The following FRK variants were observed in gnomAD, a reference collection of about 807,000 sequenced individuals.
FRK encodes tyrosine-protein kinase FRK.
FRK carries 51 observed loss-of-function variants against 56.4 expected under a neutral mutation model. The ratio of observed to expected loss-of-function variants is 0.90; its 90% CI spans 0.72 to 1.14. The LOEUF is 1.14. FRK is among the 50% of genes most tolerant of loss of function. The pLI is 0.00. For missense variants in FRK, 570 were observed against 601.4 expected (o/e 0.95, Z 0.55); for synonymous variants, 245 against 217.9 (o/e 1.12, Z -1.10).
chr6:116,005,419 G>A (rs989146258), intron 1 of FRK, among the ~76,000 whole-genome samples: 7 of 152,222 alleles, frequency 4.6e-5, no homozygotes, highest in African/African-American at 7.2e-5. Context: ...AAAATGTGGC[G>A]AATCGCAGGC....
intron 1 of FRK, among the ~76,000 whole-genome samples, chr6:116,055,728 C>T (rs998337080): frequency 1.3e-5 from 2 of 152,196 alleles, no homozygotes; most frequent in African/African-American, 4.8e-5. Flanking sequence ...TCACTTAGCA[C>T]CATACCAGGC....
intron 1 of FRK, among the ~76,000 whole-genome samples, chr6:116,056,202 T>G (rs1777393184): frequency 7.0e-6 from 1 of 143,156 alleles, no homozygotes; most frequent in Non-Finnish European, 1.6e-5. Flanking sequence ...TTCATTTGGT[T>G]TTTTTTTTTT....
At chr6:116,061,554 T>C (rs1414933554), upstream of FRK, among the ~76,000 whole-genome samples, 1 of 151,642 alleles carries the variant, frequency 6.6e-6, no homozygotes, top group East Asian at 1.9e-4. Flanking sequence ...TGCTAGTTCT[T>C]ACTAACTTGG....
At position 115,940,717 on chromosome 6, in the gene FRK, A is replaced by C. The variant is rs548352751; in HGVS notation, c.*1697T>G. ...AAGAAGATATTTATGCAGCCAACAG[A>C]CATATGAAAAAAAGCTCATCATCTG... On this transcript the variant is annotated 3_prime_UTR_variant, in exon 8 of 8. Coordinates refer to ENST00000606080, the MANE Select transcript of FRK (RefSeq NM_002031.3). The C allele has an allele frequency of 7.2e-5, 11 of 152,382 alleles. No individual in the cohort carries two copies. The East Asian group carries it at 1.9e-3, about 27-fold the overall frequency. The allele number at this position is 152,382 out of a possible 1,614,324, so 9.4% of individuals were successfully genotyped here. A position where few individuals can be genotyped will look rare whatever the true frequency, so the allele number is the denominator to read the frequency against.
At chr6:115,969,776 G>GAC (rs1409989062) in intron 2 of FRK, among the ~76,000 whole-genome samples, 1 of 152,196 alleles carries the variant, frequency 6.6e-6, no homozygotes, top group Non-Finnish European at 1.5e-5. Flanking sequence ...AAGCAGCCCA[G>GAC]TGGGAGGCAG....
intron 1 of FRK, among the ~76,000 whole-genome samples, chr6:116,006,366 A>T (rs1243864540): frequency 1.3e-5 from 2 of 152,234 alleles, no homozygotes; most frequent in Non-Finnish European, 2.9e-5. Context: ...TTACAATTTA[A>T]AATGCTAACA....
chr6:116,028,596 T>C (rs1314895083), intron 1 of FRK, among the ~76,000 whole-genome samples: 2 of 152,202 alleles, frequency 1.3e-5, no homozygotes, highest in African/African-American at 4.8e-5. Flanking sequence ...TGGCAGTCTT[T>C]GGCATCCCTT....
chr6:116,030,593 G>A (rs1055956091), intron 1 of FRK, among the ~76,000 whole-genome samples: 6 of 152,144 alleles, frequency 3.9e-5, no homozygotes, highest in East Asian at 1.9e-4. Flanking sequence ...TCATACCCAC[G>A]TGATAAACCC....
intron 2 of FRK, among the ~76,000 whole-genome samples, chr6:115,977,636 C>T (rs1047091262): frequency 6.6e-6 from 1 of 152,108 alleles, no homozygotes; most frequent in Non-Finnish European, 1.5e-5. Flanking sequence ...GGTCAAGAAG[C>T]CCAGCTGAGG....
At chr6:116,024,006 C>A (rs1775977761) in intron 1 of FRK, among the ~76,000 whole-genome samples, 3 of 151,420 alleles carry the variant, frequency 2.0e-5, no homozygotes, top group African/African-American at 7.3e-5. Context: ...ACTTTGATCA[C>A]AGAAATCTTT....
At position 115,940,872 on chromosome 6, in the gene FRK, A is replaced by G. The variant is rs1275368450; in HGVS notation, c.*1542T>C. 2.0e-5 allele frequency: 3 copies of G among 152,172 alleles called. No individual in the cohort carries two copies. The highest frequency in any genetic ancestry group is 4.4e-5 in the Non-Finnish European group (3 of 68,014). 9.4% of individuals were successfully genotyped at this position (152,172 alleles called of 1,614,324 possible). A position where few individuals can be genotyped will look rare whatever the true frequency, so the allele number is the denominator to read the frequency against. On this transcript the variant is annotated 3_prime_UTR_variant, in exon 8 of 8. Transcript: ENST00000606080. ...GCCAAAGAGGATGTGGAGAAATAGGAACACATTTACACTTTTACTCTGTTG... is the reference window on the plus strand; with the variant it reads ...GCCAAAGAGGATGTGGAGAAATAGGGACACATTTACACTTTTACTCTGTTG...
intron 1 of FRK, among the ~76,000 whole-genome samples, chr6:116,011,964 T>C (rs1775490423): frequency 6.6e-6 from 1 of 152,304 alleles, no homozygotes. Context: ...CCCACTCACA[T>C]GGAATGATAA....
intron 5 of FRK, among the ~76,000 whole-genome samples, chr6:115,953,240 A>G (rs1772851485): frequency 9.6e-6 from 1 of 104,614 alleles, no homozygotes; most frequent in Non-Finnish European, 1.7e-5. Context: ...CCCAGGCTGG[A>G]GTGCAGTGGC....
chr6:115,945,640 T>C (rs1772411156), intron 5 of FRK, among the ~76,000 whole-genome samples: 2 of 152,180 alleles, frequency 1.3e-5, no homozygotes, highest in Non-Finnish European at 1.5e-5. Flanking sequence ...AAAATTCTCA[T>C]TCTTCCATCA....
At chr6:115,990,010 G>A (rs1192897792) in intron 2 of FRK, among the ~76,000 whole-genome samples, 1 of 151,858 alleles carries the variant, frequency 6.6e-6, no homozygotes, top group Non-Finnish European at 1.5e-5. Flanking sequence ...TCTCATTATG[G>A]TTTTAATTTT....
In FRK at chr6:115,944,404, T is replaced by C. The variant is rs763378072; in HGVS notation, c.980A>G (p.His327Arg). The C allele has an allele frequency of 1.4e-5, 22 of 1,608,044 alleles. No homozygotes were observed. The highest frequency in any genetic ancestry group is 6.7e-5 in the South Asian group (6 of 89,666). Residue 327 changes from histidine (H) to arginine (R), a missense_variant, in exon 6 of 8, where the codon CAT becomes CGT. By Grantham distance (29) the His-to-Arg change is conservative. Transcript: ENST00000606080. ...YLQNDTGSKI[H>R]LTQQVDMAAQ... ...CGCCATGTCTACCTGTTGAGTCAGA[T>C]GGATTTTTGATCCAGTGTCATCTAA...
chr6:116,068,831 G>T, the FRK span, among the ~76,000 whole-genome samples: 1 of 149,346 alleles, frequency 6.7e-6, no homozygotes, highest in Non-Finnish European at 1.5e-5. Flanking sequence ...ATCAATTCAG[G>T]TTTAAAAAAA....
intron 2 of FRK, among the ~76,000 whole-genome samples, chr6:115,988,526 G>C (rs974631488): frequency 2.6e-5 from 4 of 151,932 alleles, no homozygotes; most frequent in Non-Finnish European, 5.9e-5. Context: ...AATGGGTCAT[G>C]AAAACTAAAA....
intron 2 of FRK, among the ~76,000 whole-genome samples, chr6:115,995,616 GA>G (rs2114673684): frequency 6.6e-6 from 1 of 152,058 alleles, no homozygotes; most frequent in East Asian, 1.9e-4. Flanking sequence ...GGAAAAAAAA[GA>G]AAACAAGCCT....
Sources: gnomAD v4.1 joint callset for allele counts (sites outside exome capture counted in the v4.1 genomes callset) on GRCh38, gnomAD v4.1.1 for gene constraint, MANE v1.5 for transcripts, NCBI Gene and HGNC (gene_info 2026-07-23, HGNC 2026-07-21) for gene names.